LMNB1: variants seen among roughly 807,000 people sequenced by gnomAD.
The protein encoded by LMNB1 is lamin-B1.
Under a neutral mutation model 67.1 loss-of-function variants are expected in LMNB1, and 23 were observed. The observed-to-expected ratio is 0.34, with a 90% CI of 0.25 to 0.49. The LOEUF (loss-of-function observed/expected upper bound fraction) is 0.49. Ranked by LOEUF, LMNB1 falls within the 20% of genes least tolerant of loss-of-function variation. The pLI is 0.99. For missense variants in LMNB1, 634 were observed against 746.5 expected (o/e 0.85, Z 1.76); for synonymous variants, 281 against 282.9 (o/e 0.99, Z 0.07).
At position 126,800,978 on chromosome 5, in the gene LMNB1, TATAA is replaced by T. The variant is rs1169328619; in HGVS notation, c.360-3797_360-3794del. 6.2e-3 allele frequency among the ~76,000 whole-genome samples: 436 copies of T among 70,074 alleles called. 8 individuals are homozygous for T. Among genetic ancestry groups the T allele is most frequent in the African/African-American group, 0.018 (399 of 21,990 alleles). The allele number at this position is 70,074 out of a possible 152,430, so 46.0% of individuals were successfully genotyped here. A position where few individuals can be genotyped will look rare whatever the true frequency, so the allele number is the denominator to read the frequency against. ...ATATATATATATATATATATATATA[TATAA>T]TTTTTTTTTTTTTTTTTTGGTGGTA... On this transcript the variant is annotated intron_variant, in intron 1 of 10. Coordinates refer to ENST00000261366, the MANE Select transcript of LMNB1 (RefSeq NM_005573.4).
In LMNB1 at chr5:126,805,609, A is replaced by G. The variant is rs544181296; in HGVS notation, c.555A>G (p.Ala185=). The G allele has an allele frequency of 1.1e-4, 180 of 1,611,036 alleles. 2 individuals carry two copies. The South Asian group carries it at 1.9e-3, about 17-fold the overall frequency. ...ASLAAAKKQL[A]DETLLKVDLE... ...TAGCTGCAGCCAAAAAACAGTTAGC[A>G]GATGAAACTTTACTTAAAGTAGATT... The change falls in exon 3 of 11, where the codon GCA becomes GCG. Residue 185 remains alanine, a synonymous_variant. Transcript: ENST00000261366.
chr5:126,802,542 C>T (rs1308459912), intron 1 of LMNB1, among the ~76,000 whole-genome samples: 1 of 152,186 alleles, frequency 6.6e-6, no homozygotes, highest in Non-Finnish European at 1.5e-5. Context: ...CTCCCGGGTT[C>T]AGGCAATTCT....
At chr5:126,832,904 A>G (rs1476458567) in intron 10 of LMNB1, 103 bp downstream of exon 10, 1 of 654,880 alleles carries the variant, frequency 1.5e-6, no homozygotes, top group Non-Finnish European at 2.5e-6. Context: ...TTGATGAACC[A>G]GCGCAGTTAT....
At chr5:126,834,807 C>T (rs1031229791) in intron 10 of LMNB1, among the ~76,000 whole-genome samples, 2 of 152,106 alleles carry the variant, frequency 1.3e-5, no homozygotes, top group East Asian at 1.9e-4. Flanking sequence ...ACCCGGGAGG[C>T]GGAGCTTGCA....
intron 1 of LMNB1, among the ~76,000 whole-genome samples, chr5:126,800,982 A>AATTTTTTTTT (rs1332039988): frequency 1.0e-3 from 19 of 18,618 alleles, no homozygotes; most frequent in South Asian, 5.6e-3. Flanking sequence ...TATATATATA[A>AATTTTTTTTT]TTTTTTTTTT....
chr5:126,800,644 CTTTTTTT>C (rs35363581), intron 1 of LMNB1, among the ~76,000 whole-genome samples: 3 of 53,946 alleles, frequency 5.6e-5, no homozygotes, highest in Non-Finnish European at 1.0e-4. Context: ...ACTGTATCTT[CTTTTTTT>C]TTTTTTTTTT....
chr5:126,792,197 C>G (rs1750978936), intron 1 of LMNB1, among the ~76,000 whole-genome samples: 1 of 145,052 alleles, frequency 6.9e-6, no homozygotes, highest in Non-Finnish European at 1.5e-5. Context: ...GACTGGAGTA[C>G]AGCGGCATGA....
chr5:126,820,945 C>T lies in LMNB1; in HGVS notation c.1196C>T (p.Thr399Ile). ...KLSPSPSSRV[T>I]VSRASSSRSV... Reference sequence around the variant, plus strand: ...TCTCCAAGCCCTTCTTCCCGTGTGACAGTATCCCGAGCATCCTCAAGTCGT... The same window carrying T: ...TCTCCAAGCCCTTCTTCCCGTGTGATAGTATCCCGAGCATCCTCAAGTCGT... The change falls in exon 7 of 11, where the codon ACA (threonine) becomes ATA (isoleucine). Residue 399 changes from threonine to isoleucine, a missense_variant. By Grantham distance (89) the Thr-to-Ile change is moderately conservative (BLOSUM62 -1). Transcript: ENST00000261366. 2 of 1,613,956 alleles carry T rather than the reference C, an allele frequency of 1.2e-6. No individual in the cohort carries two copies. Among genetic ancestry groups the T allele is most frequent in the Non-Finnish European group, 1.7e-6 (2 of 1,179,962 alleles).
At chr5:126,813,138 TA>T (rs1429269577) in intron 5 of LMNB1, among the ~76,000 whole-genome samples, 4 of 152,236 alleles carry the variant, frequency 2.6e-5, no homozygotes, top group Non-Finnish European at 4.4e-5. Context: ...AACTTAGAAA[TA>T]AAGCAGAAAA....
intron 9 of LMNB1, among the ~76,000 whole-genome samples, chr5:126,830,048 T>G (rs1377967821): frequency 6.6e-6 from 1 of 152,244 alleles, no homozygotes; most frequent in African/African-American, 2.4e-5. Flanking sequence ...TACTTATATA[T>G]GTAGAGATGC....
At chr5:126,828,069 G>C (rs575025514) in intron 9 of LMNB1, among the ~76,000 whole-genome samples, 1 of 152,282 alleles carries the variant, frequency 6.6e-6, no homozygotes, top group Non-Finnish European at 1.5e-5. Context: ...CATGGACCTT[G>C]ACTTACGTTC....
At chr5:126,815,162 C>T (rs1751677403) in intron 5 of LMNB1, 1 of 152,094 alleles carries the variant, frequency 6.6e-6, no homozygotes. Context: ...TATTGTTTGT[C>T]TTAATAGTGT....
At chr5:126,822,046 C>G (rs1452208794) in intron 7 of LMNB1, among the ~76,000 whole-genome samples, 1 of 148,194 alleles carries the variant, frequency 6.7e-6, no homozygotes, top group Non-Finnish European at 1.5e-5. Flanking sequence ...CTCTGTTGCC[C>G]AGGTCGGAGT....
intron 1 of LMNB1, among the ~76,000 whole-genome samples, chr5:126,803,512 T>G (rs1211833038): frequency 6.6e-6 from 1 of 151,754 alleles, no homozygotes; most frequent in Non-Finnish European, 1.5e-5. Flanking sequence ...CCTCCCAGAG[T>G]GCTGGGATTA....
intron 6 of LMNB1, 144 bp downstream of exon 6, chr5:126,819,286 G>T (rs1751802103): frequency 3.4e-6 from 2 of 584,146 alleles, no homozygotes; most frequent in Non-Finnish European, 6.0e-6. Flanking sequence ...AGTAGTAATA[G>T]ATCATATTTC....
chr5:126,808,260 T>C (rs1363043415), intron 3 of LMNB1, among the ~76,000 whole-genome samples: 1 of 152,146 alleles, frequency 6.6e-6, no homozygotes, highest in Non-Finnish European at 1.5e-5. Context: ...CTTGGCTCAC[T>C]GCAACCTGTG....
chr5:126,825,893 T>C, intron 8 of LMNB1, 95 bp from the exon 9 acceptor site: 2 of 1,544,382 alleles, frequency 1.3e-6, no homozygotes, highest in South Asian at 1.1e-5. Context: ...TTCTCAGACT[T>C]TTAGAATCAA....
intron 9 of LMNB1, among the ~76,000 whole-genome samples, chr5:126,831,253 G>A (rs1229091564): frequency 6.6e-6 from 1 of 152,176 alleles, no homozygotes; most frequent in Non-Finnish European, 1.5e-5. Context: ...TTTCTTGAGT[G>A]ACCTTAGGAC....
chr5:126,813,867 A>T (rs1379031073), intron 5 of LMNB1, among the ~76,000 whole-genome samples: 2 of 152,190 alleles, frequency 1.3e-5, no homozygotes, highest in Non-Finnish European at 2.9e-5. Context: ...ACAAACACAC[A>T]GACTGTATCA....
Sources: gnomAD v4.1 joint callset for allele counts (sites outside exome capture counted in the v4.1 genomes callset) on GRCh38, gnomAD v4.1.1 for gene constraint, MANE v1.5 for transcripts, NCBI Gene and HGNC (gene_info 2026-07-23, HGNC 2026-07-21) for gene names.